Variants in PSMD12 observed in about 807,000 individuals in gnomAD.
The protein encoded by PSMD12 is 26S proteasome non-ATPase regulatory subunit 12.
PSMD12 carries 8 observed loss-of-function variants against 62.9 expected under a neutral mutation model. The ratio of observed to expected loss-of-function variants is 0.13; its 90% CI spans 0.07 to 0.23. The LOEUF (loss-of-function observed/expected upper bound fraction) is 0.23. Among genes scored for constraint, PSMD12 ranks in the 10% least tolerant of loss-of-function variants. The pLI, the probability that PSMD12 is intolerant of heterozygous loss-of-function variation, is 1.00. For missense variants in PSMD12, 424 were observed against 550.2 expected (o/e 0.77, Z 2.29); for synonymous variants, 173 against 187.4 (o/e 0.92, Z 0.63).
At chr17:67,343,225 A>G (rs1273665358) in intron 9 of PSMD12, among the ~76,000 whole-genome samples, 1 of 152,156 alleles carries the variant, frequency 6.6e-6, no homozygotes, top group Non-Finnish European at 1.5e-5. Context: ...ACACATCAGA[A>G]AGCACGAGAA....
At chr17:67,363,911 T>C (rs2042156487) in intron 1 of PSMD12, among the ~76,000 whole-genome samples, 1 of 151,840 alleles carries the variant, frequency 6.6e-6, no homozygotes, top group South Asian at 2.1e-4. Context: ...AAGCTGGACG[T>C]AGTGGTGCAT....
At chr17:67,344,414 TCAC>T (rs1171053668) in intron 9 of PSMD12, among the ~76,000 whole-genome samples, 189 bp downstream of exon 9, 1 of 152,136 alleles carries the variant, frequency 6.6e-6, no homozygotes, top group Non-Finnish European at 1.5e-5. Context: ...CAAATGTGCA[TCAC>T]TACTACAGTG....
Position 67,348,540 on chromosome 17 carries a change from A to G in PSMD12, c.510+10T>C. On this transcript the variant is annotated intron_variant, in intron 5 of 10. Transcript: ENST00000356126. ...CAAAGTTTTACCAACTCTAAAATGC[A>G]ATACCTTACCTGTAACTCCTGTAAA... 1 of 1,604,216 alleles carries G rather than the reference A, an allele frequency of 6.2e-7. No individual in the cohort carries two copies. The highest frequency in any genetic ancestry group is 8.5e-7 in the Non-Finnish European group (1 of 1,172,182).
intron 1 of PSMD12, among the ~76,000 whole-genome samples, chr17:67,358,931 T>C (rs2042104381): frequency 6.6e-6 from 1 of 152,230 alleles, no homozygotes; most frequent in Admixed American, 6.5e-5. Flanking sequence ...CCCTAGGCTA[T>C]ATATTTAGAG....
intron 1 of PSMD12, among the ~76,000 whole-genome samples, chr17:67,361,707 C>T (rs906489420): frequency 3.9e-5 from 6 of 151,910 alleles, no homozygotes; most frequent in African/African-American, 1.2e-4. Flanking sequence ...ACAATGTAAA[C>T]TGTTTTACAT....
intron 3 of PSMD12, among the ~76,000 whole-genome samples, chr17:67,353,920 T>C (rs1173268864): frequency 6.6e-6 from 1 of 152,212 alleles, no homozygotes. Context: ...ATTACTCTTG[T>C]GTCACTTATA....
intron 10 of PSMD12, 116 bp from the exon 11 acceptor site, chr17:67,341,168 T>C: frequency 1.2e-6 from 1 of 811,314 alleles, no homozygotes. Flanking sequence ...GAATTCATTC[T>C]TAAGAGTTAG....
chr17:67,346,383 A>G (rs2041966753), intron 7 of PSMD12, among the ~76,000 whole-genome samples: 1 of 140,048 alleles, frequency 7.1e-6, no homozygotes, highest in Non-Finnish European at 1.5e-5. Flanking sequence ...CAAGAGTGAG[A>G]CTCTGTCTCA....
At chr17:67,342,816 G>C (rs1028817444) in intron 9 of PSMD12, among the ~76,000 whole-genome samples, 3 of 149,246 alleles carry the variant, frequency 2.0e-5, no homozygotes, top group Non-Finnish European at 4.5e-5. Context: ...CATGCCTATA[G>C]TCCTAGCTAC....
chr17:67,348,829 C>T (rs2041992743), intron 4 of PSMD12, among the ~76,000 whole-genome samples, 175 bp from the exon 5 acceptor site: 1 of 152,052 alleles, frequency 6.6e-6, no homozygotes, highest in African/African-American at 2.4e-5. Flanking sequence ...GAGCCCGTCT[C>T]TACTAAAAAT....
intron 1 of PSMD12, among the ~76,000 whole-genome samples, chr17:67,365,184 CAAAAAAAAAAA>C (rs891969142): frequency 1.7e-4 from 9 of 54,226 alleles, no homozygotes; most frequent in South Asian, 6.2e-4. Context: ...AACTCCGTCT[CAAAAAAAAAAA>C]AAAAAAAAGT....
intron 1 of PSMD12, among the ~76,000 whole-genome samples, chr17:67,358,097 G>GT (rs1461357117): frequency 1.3e-5 from 2 of 152,012 alleles, no homozygotes; most frequent in African/African-American, 4.8e-5. Context: ...AATTTTTGTT[G>GT]TTTTTTGTAG....
chr17:67,347,805 T>C (rs1012472906), intron 5 of PSMD12, among the ~76,000 whole-genome samples: 1 of 152,198 alleles, frequency 6.6e-6, no homozygotes, highest in Non-Finnish European at 1.5e-5. Flanking sequence ...CCCCCACTCA[T>C]AAGCCCTCCT....
Position 67,366,421 on chromosome 17 carries a change from C to G in PSMD12, c.99G>C (p.Lys33Asn), listed in dbSNP as rs2042180055. Residue 33 changes from lysine (K) to asparagine (N), a missense_variant, in exon 1 of 11, where the codon AAG becomes AAC. By Grantham distance (94) the Lys-to-Asn change is moderately conservative. Transcript: ENST00000356126. ...TVDQRLPECA[K>N]LAKEGRLQEV... ...GCCGGCCTCTCCTCACCTTGGCTAG[C>G]TTCGCACACTCGGGTAGGCGCTGAT... 3 of 1,611,376 alleles carry G rather than the reference C, an allele frequency of 1.9e-6. No individual in the cohort carries two copies. Among genetic ancestry groups the G allele is most frequent in the Middle Eastern group, 1.6e-4 (1 of 6,078 alleles).
At chr17:67,365,965 T>C (rs2042174778) in intron 1 of PSMD12, among the ~76,000 whole-genome samples, 1 of 152,166 alleles carries the variant, frequency 6.6e-6, no homozygotes, top group African/African-American at 2.4e-5. Context: ...GTACTATCAC[T>C]TTCCTGCCCC....
Position 67,348,655 on chromosome 17 carries a change from C to A in PSMD12, c.406-1G>T. 6.2e-7 allele frequency: 1 copy of A among 1,604,612 alleles called. No individual in the cohort carries two copies. The highest frequency in any genetic ancestry group is 8.5e-7 in the Non-Finnish European group (1 of 1,176,998). Reference sequence around the variant, plus strand: ...GCGCACGCTCAATTTCAACATAAATCTACAAATGAGAAATTTACACAATCA... The same window carrying A: ...GCGCACGCTCAATTTCAACATAAATATACAAATGAGAAATTTACACAATCA... On this transcript the variant is annotated splice_acceptor_variant, in intron 4 of 10. Transcript: ENST00000356126. LOFTEE classifies it high-confidence loss of function.
intron 10 of PSMD12, 55 bp from the exon 11 acceptor site, chr17:67,341,107 C>T: frequency 7.3e-7 from 1 of 1,372,098 alleles, no homozygotes; most frequent in Non-Finnish European, 9.9e-7. Flanking sequence ...AGACAATAAA[C>T]AAAACTTCAG....
rs2041881857 is a variant in PSMD12, at chr17:67,338,681, A to G, written c.*2162T>C. The G allele has an allele frequency of 6.6e-6, 1 of 152,084 alleles. No homozygotes were observed. The highest frequency in any genetic ancestry group is 1.5e-5 in the Non-Finnish European group (1 of 68,032). 9.4% of individuals were successfully genotyped at this position (152,084 alleles called of 1,614,324 possible). A position where few individuals can be genotyped will look rare whatever the true frequency, so the allele number is the denominator to read the frequency against. On this transcript the variant is annotated 3_prime_UTR_variant, in exon 11 of 11. Transcript: ENST00000356126. ...CCAGCCCGGCCAACATGATGAAACCATCTCTACTAAAAACACAAAAATTAG... is the reference window on the plus strand; with the variant it reads ...CCAGCCCGGCCAACATGATGAAACCGTCTCTACTAAAAACACAAAAATTAG...
chr17:67,359,455 T>C (rs548431780), intron 1 of PSMD12, among the ~76,000 whole-genome samples: 46 of 152,362 alleles, frequency 3.0e-4, no homozygotes, highest in African/African-American at 1.1e-3. Context: ...GAGTATTGTT[T>C]AAAAATTGTT....
Sources: gnomAD v4.1 joint callset for allele counts (sites outside exome capture counted in the v4.1 genomes callset) on GRCh38, gnomAD v4.1.1 for gene constraint, MANE v1.5 for transcripts, NCBI Gene and HGNC (gene_info 2026-07-23, HGNC 2026-07-21) for gene names.